Variants in CDC73 observed in about 807,000 individuals in gnomAD.
The protein encoded by CDC73 is parafibromin.
In CDC73, 21 loss-of-function variants were observed where a neutral mutation model predicts 83.7. That is an observed-to-expected ratio of 0.25 (90% CI 0.18 to 0.36). CDC73 has a LOEUF of 0.36. Among genes scored for constraint, CDC73 ranks in the 10% least tolerant of loss-of-function variants. CDC73 has a pLI of 1.00. For missense variants in CDC73, 342 were observed against 653.3 expected, an observed-to-expected ratio of 0.52 and a Z score of 5.19; for synonymous variants, 224 against 212.9, an observed-to-expected ratio of 1.05 and a Z score of -0.45.
At chr1:193,180,612 A>G in intron 10 of CDC73, 2 of 1,614,164 alleles carry the variant, frequency 1.2e-6, no homozygotes, top group South Asian at 1.1e-5. Context: ...CAGAAAAAAC[A>G]TAACCAGTTC....
intron 2 of CDC73, among the ~76,000 whole-genome samples, chr1:193,127,233 C>T (rs1480916943): frequency 6.6e-6 from 1 of 150,476 alleles, no homozygotes; most frequent in Non-Finnish European, 1.5e-5. Flanking sequence ...ATGATCACAC[C>T]AATGCATCTA....
intron 13 of CDC73, among the ~76,000 whole-genome samples, chr1:193,224,556 AAT>A (rs1317245695): frequency 1.3e-5 from 2 of 152,162 alleles, no homozygotes; most frequent in East Asian, 3.8e-4. Flanking sequence ...ACACATGTGA[AAT>A]ATGCATTCAC....
At position 193,126,798 on chromosome 1, in the gene CDC73, T is replaced by A. The variant is rs527361537; in HGVS notation, c.237+1581T>A. ...TCTTATAGTTCTTAAAACAATTTTT[T>A]AAAATATCACTGTGTCTGTCATCAC... On this transcript the variant is annotated intron_variant, in intron 2 of 16. Transcript: ENST00000367435. Among the ~76,000 whole-genome samples the A allele has an allele frequency of 4.6e-5, 7 of 152,336 alleles. No homozygotes were observed. The South Asian group carries it at 6.2e-4, about 14-fold the overall frequency.
chr1:193,211,264 A>G lies in CDC73; in HGVS notation c.1031-801A>G, dbSNP rs759575451. 2.6e-5 allele frequency among the ~76,000 whole-genome samples: 4 copies of G among 152,330 alleles called. No homozygotes were observed. In the East Asian group the frequency reaches 5.8e-4, roughly 22 times the overall value. On this transcript the variant is annotated intron_variant, in intron 11 of 16. Transcript: ENST00000367435. ...CTCCCATAAATTTAATGCCTTTTCC[A>G]TCTTAACACTATCACTCACTGTGGC...
At chr1:193,147,557 C>T (rs1676023759) in intron 7 of CDC73, among the ~76,000 whole-genome samples, 4 of 151,750 alleles carry the variant, frequency 2.6e-5, no homozygotes, top group Non-Finnish European at 5.9e-5. Flanking sequence ...TTAGTAGAGA[C>T]GGGGTTTCAC....
chr1:193,144,878 T>C (rs1342422409), intron 7 of CDC73, among the ~76,000 whole-genome samples: 1 of 151,954 alleles, frequency 6.6e-6, no homozygotes, highest in Non-Finnish European at 1.5e-5. Flanking sequence ...CAACTGATAG[T>C]ATTTGTTGCC....
intron 13 of CDC73, among the ~76,000 whole-genome samples, chr1:193,229,910 G>A (rs1677631855): frequency 6.6e-6 from 1 of 152,150 alleles, no homozygotes; most frequent in Non-Finnish European, 1.5e-5. Context: ...AATGGCATTT[G>A]ACTGAAAGGT....
intron 10 of CDC73, chr1:193,181,342 G>A: frequency 6.2e-7 from 1 of 1,614,044 alleles, no homozygotes; most frequent in Non-Finnish European, 8.5e-7. Context: ...GCTGTGGTTT[G>A]TCTCACTTTT....
rs750405854 is a variant in CDC73, at chr1:193,130,869, G to A, written c.307+626G>A. Reference sequence around the variant, plus strand: ...ATTTTTGAAAGCCTTTCTTCATTTGGCATTTGGAACACCAGCCTCTTGGTT... The same window carrying A: ...ATTTTTGAAAGCCTTTCTTCATTTGACATTTGGAACACCAGCCTCTTGGTT... On this transcript the variant is annotated intron_variant, in intron 3 of 16. Coordinates refer to ENST00000367435, the MANE Select transcript of CDC73 (RefSeq NM_024529.5). Among the ~76,000 whole-genome samples the A allele has an allele frequency of 3.9e-5, 6 of 152,024 alleles. No homozygotes were observed. In the East Asian group the frequency reaches 1.2e-3, roughly 29 times the overall value.
At chr1:193,161,584 A>G (rs1166257551) in intron 10 of CDC73, among the ~76,000 whole-genome samples, 1 of 123,894 alleles carries the variant, frequency 8.1e-6, no homozygotes, top group East Asian at 2.1e-4. Context: ...ATTATATAAT[A>G]TATAATAGAT....
rs1455915064 is a variant in CDC73, at chr1:193,135,540, A to C, written c.374A>C (p.Lys125Thr). ...EIGLQRSTQV[K>T]RAADEVLAEA... ...TTTACTTCTCTTTCTTTTATAGTCA[A>C]ACGAGCTGCAGATGAAGTTTTAGCA... The change falls in exon 5 of 17, where the codon AAA becomes ACA. Residue 125 changes from lysine (K) to threonine (T), a missense_variant. Physicochemically the swap from Lys to Thr is moderately conservative, Grantham distance 78. Coordinates refer to ENST00000367435, the MANE Select transcript of CDC73 (RefSeq NM_024529.5). 6.2e-7 allele frequency: 1 copy of C among 1,613,734 alleles called. No homozygotes were observed. The highest frequency in any genetic ancestry group is 8.5e-7 in the Non-Finnish European group (1 of 1,179,690).
intron 10 of CDC73, among the ~76,000 whole-genome samples, chr1:193,202,631 T>TC (rs60498489): frequency 1.5e-4 from 23 of 149,168 alleles, no homozygotes; most frequent in Non-Finnish European, 2.7e-4. Flanking sequence ...TTTTTTTTTT[T>TC]CCTTCTTGGA....
At chr1:193,239,196 C>G (rs542389869) in intron 15 of CDC73, among the ~76,000 whole-genome samples, 40 of 152,282 alleles carry the variant, frequency 2.6e-4, no homozygotes, top group Admixed American at 3.9e-4. Context: ...TGGTTTTACT[C>G]TCTTCCTTAT....
intron 11 of CDC73, among the ~76,000 whole-genome samples, chr1:193,204,345 A>G (rs1234423900): frequency 6.7e-6 from 1 of 148,798 alleles, no homozygotes; most frequent in African/African-American, 2.5e-5. Context: ...GCTGGAGTAC[A>G]CTGGCGCCAT....
intron 7 of CDC73, among the ~76,000 whole-genome samples, chr1:193,145,553 A>G (rs1675983684): frequency 6.6e-6 from 1 of 152,184 alleles, no homozygotes; most frequent in African/African-American, 2.4e-5. Flanking sequence ...GTGATTTTTC[A>G]TGAAATATGC....
intron 10 of CDC73, among the ~76,000 whole-genome samples, chr1:193,189,257 C>G (rs1323829779): frequency 6.6e-6 from 1 of 152,086 alleles, no homozygotes; most frequent in Non-Finnish European, 1.5e-5. Context: ...CCCAGCCAAC[C>G]TGTTTGTTAA....
intron 15 of CDC73, 23 bp from the exon 16 acceptor site, chr1:193,249,707 A>G: frequency 6.3e-7 from 1 of 1,588,044 alleles, no homozygotes; most frequent in Non-Finnish European, 8.6e-7. Context: ...AAAAATGATA[A>G]CTTCTCTCCA....
intron 1 of CDC73, 126 bp from the exon 2 acceptor site, chr1:193,124,986 T>C (rs1402332156): frequency 5.8e-6 from 4 of 694,892 alleles, no homozygotes; most frequent in Non-Finnish European, 1.1e-5. Flanking sequence ...TATTAGATTT[T>C]ATACTTTTTT....
chr1:193,127,293 G>A (rs1397144118), intron 2 of CDC73, among the ~76,000 whole-genome samples: 36 of 123,214 alleles, frequency 2.9e-4, no homozygotes, highest in African/African-American at 1.3e-3. Context: ...AAAAAAATGT[G>A]TGTGTGTGTG....
Sources: allele counts gnomAD v4.1 joint callset (sites outside exome capture counted in the v4.1 genomes callset), GRCh38; gene constraint gnomAD v4.1.1; transcripts MANE v1.5; gene names NCBI Gene and HGNC (gene_info 2026-07-23, HGNC 2026-07-21).